NRG3: variants seen among roughly 807,000 people sequenced by gnomAD.
NRG3 encodes the protein pro-neuregulin-3, membrane-bound isoform.
In NRG3, 31 loss-of-function variants were observed where a neutral mutation model predicts 66.9. That is an observed-to-expected ratio of 0.46 (90% confidence interval 0.35 to 0.63). The LOEUF is 0.63. Ranked by LOEUF, NRG3 falls within the 20% of genes least tolerant of loss-of-function variation. NRG3 has a pLI of 0.00. For synonymous variants in NRG3, 393 were observed against 359.4 expected, an observed-to-expected ratio of 1.09 and a Z score of -1.06; for missense variants, 910 against 878.9, an observed-to-expected ratio of 1.04 and a Z score of -0.45.
At chr10:82,202,649 T>C (rs2074901610) in intron 1 of NRG3, among the ~76,000 whole-genome samples, 2 of 152,208 alleles carry the variant, frequency 1.3e-5, no homozygotes, top group Admixed American at 6.5e-5. Flanking sequence ...AATGCTCTGA[T>C]TGAATCCACA....
chr10:82,494,203 C>G (rs762096330), intron 2 of NRG3, among the ~76,000 whole-genome samples: 18 of 152,118 alleles, frequency 1.2e-4, no homozygotes, highest in Non-Finnish European at 2.5e-4. Flanking sequence ...GATCTAGAAC[C>G]AGAAATATCA....
At chr10:82,418,826 CCTGGTCTTA>C (rs2088836632) in intron 2 of NRG3, among the ~76,000 whole-genome samples, 6 of 151,818 alleles carry the variant, frequency 4.0e-5, no homozygotes, top group African/African-American at 1.5e-4. Flanking sequence ...GTCTCAAACT[CCTGGTCTTA>C]GGCAATCCTC....
intron 3 of NRG3, among the ~76,000 whole-genome samples, chr10:82,819,431 G>A (rs931504089): frequency 6.6e-6 from 1 of 152,146 alleles, no homozygotes; most frequent in Non-Finnish European, 1.5e-5. Context: ...AGTATATAAA[G>A]CACTGATCCT....
At chr10:82,442,625 G>A (rs1401104840) in intron 2 of NRG3, among the ~76,000 whole-genome samples, 1 of 152,044 alleles carries the variant, frequency 6.6e-6, no homozygotes, top group Non-Finnish European at 1.5e-5. Context: ...ATGCCCTTCT[G>A]CTTCTGCTTT....
At chr10:82,438,148 G>A (rs540265321) in intron 2 of NRG3, among the ~76,000 whole-genome samples, 5 of 152,344 alleles carry the variant, frequency 3.3e-5, no homozygotes, top group Admixed American at 2.6e-4. Flanking sequence ...ACTACCAGGA[G>A]GTGAGGCTAA....
Position 82,119,698 on chromosome 10 carries a change from T to C in NRG3, c.824-239041T>C, listed in dbSNP as rs150193886. Among the ~76,000 whole-genome samples the C allele has an allele frequency of 5.1e-3, 775 of 152,284 alleles. 7 individuals carry two copies. Among genetic ancestry groups the C allele is most frequent in the African/African-American group, 0.017 (718 of 41,572 alleles). On this transcript the variant is annotated intron_variant, in intron 1 of 8. Transcript: ENST00000372141. ...AGAACCACTTGAATTTGGACAAATA[T>C]ATTCCTGTAAATATACAGGGAGGCT... is the stretch of plus-strand genomic sequence containing the variant.
chr10:82,312,778 T>C (rs2081097498), intron 1 of NRG3, among the ~76,000 whole-genome samples: 1 of 141,478 alleles, frequency 7.1e-6, no homozygotes, highest in African/African-American at 2.7e-5. Flanking sequence ...TAGAGCTTTC[T>C]TTTTTTTTTC....
intron 4 of NRG3, among the ~76,000 whole-genome samples, chr10:82,895,613 C>A (rs1468483327): frequency 2.6e-5 from 4 of 151,802 alleles, no homozygotes; most frequent in Non-Finnish European, 4.4e-5. Context: ...GCCTCAGCCT[C>A]CCGAGCAGCT....
intron 1 of NRG3, among the ~76,000 whole-genome samples, chr10:82,216,996 A>C (rs191884314): frequency 2.0e-5 from 3 of 152,314 alleles, no homozygotes; most frequent in Non-Finnish European, 4.4e-5. Flanking sequence ...ATCTAGACAA[A>C]ACAAATCCTG....
intron 1 of NRG3, among the ~76,000 whole-genome samples, chr10:82,036,542 G>A (rs114536947): frequency 6.6e-6 from 1 of 152,206 alleles, no homozygotes; most frequent in African/African-American, 2.4e-5. Context: ...GTTATATGAT[G>A]CTAAAATAAA....
chr10:82,679,646 T>TG (rs2053966150), intron 2 of NRG3, among the ~76,000 whole-genome samples: 1 of 152,054 alleles, frequency 6.6e-6, no homozygotes, highest in East Asian at 1.9e-4. Flanking sequence ...AAACTAAGAG[T>TG]GGGGCCTTTC....
chr10:82,148,279 C>T (rs1038754115), intron 1 of NRG3, among the ~76,000 whole-genome samples: 1 of 152,132 alleles, frequency 6.6e-6, no homozygotes, highest in East Asian at 1.9e-4. Flanking sequence ...GGGAGGACTG[C>T]TTGAGCCCAG....
At chr10:82,541,772 T>C (rs912367897) in intron 2 of NRG3, among the ~76,000 whole-genome samples, 5 of 152,156 alleles carry the variant, frequency 3.3e-5, no homozygotes, top group Non-Finnish European at 1.5e-5. Context: ...TCTCCGCCCT[T>C]AATCTATATT....
intron 1 of NRG3, among the ~76,000 whole-genome samples, chr10:82,281,196 C>T (rs963270424): frequency 1.2e-4 from 18 of 151,938 alleles, no homozygotes; most frequent in African/African-American, 2.2e-4. Context: ...CTTGCATTGC[C>T]GTAGTGTAGG....
At chr10:82,814,255 T>C (rs1041019989) in intron 3 of NRG3, among the ~76,000 whole-genome samples, 2 of 152,228 alleles carry the variant, frequency 1.3e-5, no homozygotes, top group African/African-American at 4.8e-5. Context: ...TTGAGTTAAC[T>C]TTGGCAAACA....
chr10:82,313,119 A>G (rs2081118129), intron 1 of NRG3, among the ~76,000 whole-genome samples: 3 of 152,258 alleles, frequency 2.0e-5, no homozygotes, highest in South Asian at 2.1e-4. Context: ...CAGAGGTTGC[A>G]GTGAACCGAG....
intron 1 of NRG3, among the ~76,000 whole-genome samples, chr10:81,916,374 A>G (rs1049886386): frequency 4.6e-5 from 7 of 152,342 alleles, no homozygotes; most frequent in African/African-American, 1.2e-4. Flanking sequence ...AAACATAATA[A>G]TAAATAGTAT....
At position 82,656,898 on chromosome 10, in the gene NRG3, GC is replaced by G. The variant is rs149062356; in HGVS notation, c.954-81674del. ...GATGTAGGGTCTCAAGATCTGCCCT[GC>G]CCCCACCTTGCCAACCTATGTGGCT... is the stretch of plus-strand genomic sequence containing the variant. On this transcript the variant is annotated intron_variant, in intron 2 of 8. Transcript: ENST00000372141. Among the ~76,000 whole-genome samples, 1,453 of 152,174 alleles carry G rather than the reference GC, an allele frequency of 9.5e-3. 11 individuals are homozygous for G. Among genetic ancestry groups the G allele is most frequent in the Admixed American group, 0.019 (289 of 15,272 alleles).
At chr10:82,154,948 G>A (rs940265048) in intron 1 of NRG3, among the ~76,000 whole-genome samples, 5 of 151,588 alleles carry the variant, frequency 3.3e-5, no homozygotes, top group Non-Finnish European at 5.9e-5. Context: ...AACAACTTTA[G>A]GTGAACACTT....
Sources: gnomAD v4.1 joint callset for allele counts (sites outside exome capture counted in the v4.1 genomes callset) on GRCh38, gnomAD v4.1.1 for gene constraint, MANE v1.5 for transcripts, NCBI Gene and HGNC (gene_info 2026-07-23, HGNC 2026-07-21) for gene names.